Variants in CTNNA1 observed in about 807,000 individuals in gnomAD.
CTNNA1 encodes catenin alpha-1.
Under a neutral mutation model 98.4 loss-of-function variants are expected in CTNNA1, and 37 were observed. That is an observed-to-expected ratio of 0.38 (90% CI 0.29 to 0.49). The LOEUF (loss-of-function observed/expected upper bound fraction) is 0.49, where lower values mean the gene tolerates loss of function less well. Among genes scored for constraint, CTNNA1 ranks in the 20% least tolerant of loss-of-function variants. The pLI, the probability that CTNNA1 is intolerant of heterozygous loss-of-function variation, is 0.95. For missense variants in CTNNA1, 761 were observed against 1,147.2 expected, an observed-to-expected ratio of 0.66 and a Z score of 4.86; for synonymous variants, 404 against 413.2, an observed-to-expected ratio of 0.98 and a Z score of 0.27.
chr5:138,867,162 A>G lies in CTNNA1; in HGVS notation c.1063-19050A>G, dbSNP rs116306149. On this transcript the variant is annotated intron_variant, in intron 7 of 17. Transcript: ENST00000302763. ...GTGCAATTTAAAACCACCATCACCT[A>G]TGCCCTCTAGTGCTTATGGGATGAG... Among the ~76,000 whole-genome samples the G allele has an allele frequency of 0.012, 1,903 of 152,312 alleles. 15 individuals carry two copies. Among genetic ancestry groups the G allele is most frequent in the African/African-American group, 0.029 (1,222 of 41,562 alleles).
At chr5:138,778,809 C>T (rs915619413) in intron 1 of CTNNA1, among the ~76,000 whole-genome samples, 4 of 152,086 alleles carry the variant, frequency 2.6e-5, no homozygotes, top group African/African-American at 9.7e-5. Flanking sequence ...ATACTTTGTT[C>T]TATCTAATCT....
At chr5:138,852,462 G>GT (rs1763287275) in intron 7 of CTNNA1, among the ~76,000 whole-genome samples, 1 of 146,592 alleles carries the variant, frequency 6.8e-6, no homozygotes, top group African/African-American at 2.6e-5. Flanking sequence ...TCTTTGGGGG[G>GT]TGGGGGGGGT....
intron 7 of CTNNA1, among the ~76,000 whole-genome samples, chr5:138,877,561 C>G (rs1751914780): frequency 6.6e-6 from 1 of 151,952 alleles, no homozygotes. Flanking sequence ...CATTCTCCTG[C>G]CTCAGCCTCC....
intron 7 of CTNNA1, among the ~76,000 whole-genome samples, chr5:138,882,162 A>G (rs1041142956): frequency 6.6e-6 from 1 of 152,242 alleles, no homozygotes; most frequent in African/African-American, 2.4e-5. Context: ...GAGAGGAAAC[A>G]TGAGATGGTG....
In CTNNA1 at chr5:138,827,592, C is replaced by T. The variant is rs770509591; in HGVS notation, c.936C>T (p.Ile312=). Residue 312 remains isoleucine, a synonymous_variant, in exon 7 of 18, where the codon ATC becomes ATT. Coordinates refer to ENST00000302763, the MANE Select transcript of CTNNA1 (RefSeq NM_001903.5). ...RPSLEERLES[I]ISGAALMADS... ...CCCTGGAGGAGCGTCTGGAAAGCAT[C>T]ATTAGTGGGGCTGCCTTGATGGCCG... The T allele has an allele frequency of 1.2e-6, 2 of 1,614,172 alleles. No homozygotes were observed. Among genetic ancestry groups the T allele is most frequent in the Non-Finnish European group, 1.7e-6 (2 of 1,180,032 alleles).
At position 138,757,646 on chromosome 5, in the gene CTNNA1, T is replaced by A. The variant is rs553948141; in HGVS notation, c.-3+4136T>A. ...CACTGGGTGGTGCATTACATTATGC[T>A]GTACGTTATTATTGATGTACCTGTT... On this transcript the variant is annotated intron_variant, in intron 1 of 17. Transcript: ENST00000302763. Among the ~76,000 whole-genome samples, 3 of 152,352 alleles carry A rather than the reference T, an allele frequency of 2.0e-5. No individual in the cohort carries two copies. The East Asian group carries it at 5.8e-4, about 29-fold the overall frequency.
At chr5:138,842,648 T>C (rs906239352) in intron 7 of CTNNA1, among the ~76,000 whole-genome samples, 7 of 152,318 alleles carry the variant, frequency 4.6e-5, no homozygotes, top group African/African-American at 1.4e-4. Flanking sequence ...AAATCAGACC[T>C]TGATGATGAC....
In CTNNA1 at chr5:138,929,288, T is replaced by G. The variant is rs139529481; in HGVS notation, c.1942T>G (p.Phe648Val). 13 of 1,611,756 alleles carry G rather than the reference T, an allele frequency of 8.1e-6. No individual in the cohort carries two copies. The highest frequency in any genetic ancestry group is 1.1e-5 in the Non-Finnish European group (13 of 1,177,976). ...TGACTCTGACTTTGAGACAGAAGATTTTGATGTCAGAAGCAGGACGAGCGT... is the reference window on the plus strand; with the variant it reads ...TGACTCTGACTTTGAGACAGAAGATGTTGATGTCAGAAGCAGGACGAGCGT... ...LDDSDFETED[F>V]DVRSRTSVQT... The change falls in exon 14 of 18, where the codon TTT (phenylalanine) becomes GTT (valine). Residue 648 changes from phenylalanine (F) to valine (V), a missense_variant. Around this residue, in one of 6 missense-constraint regions of CTNNA1, gnomAD observed 77 missense variants for 198.8 expected, o/e 0.39. Transcript: ENST00000302763.
rs1754333062 is a variant in CTNNA1 at position 138,887,487 on chromosome 5, T to C, written c.1144-3T>C. 1 of 1,584,444 alleles carries C rather than the reference T, an allele frequency of 6.3e-7. No homozygotes were observed. Among genetic ancestry groups the C allele is most frequent in the Admixed American group, 1.9e-5 (1 of 52,280 alleles). On this transcript the variant is annotated splice_region_variant and splice_polypyrimidine_tract_variant and intron_variant, in intron 8 of 17. Coordinates refer to ENST00000302763, the MANE Select transcript of CTNNA1 (RefSeq NM_001903.5). ...AATCAAATTTTTACAATTTAATCATTAGCTCCGCAAAGCTGTCATGGACCA... is the reference window on the plus strand; with the variant it reads ...AATCAAATTTTTACAATTTAATCATCAGCTCCGCAAAGCTGTCATGGACCA...
intron 7 of CTNNA1, among the ~76,000 whole-genome samples, chr5:138,831,368 G>A (rs952906414): frequency 2.0e-5 from 3 of 152,186 alleles, no homozygotes; most frequent in African/African-American, 7.2e-5. Context: ...CTTCCCAGTT[G>A]ATTCCAGTGT....
At chr5:138,855,098 G>C (rs1377293547) in intron 7 of CTNNA1, among the ~76,000 whole-genome samples, 1 of 152,212 alleles carries the variant, frequency 6.6e-6, no homozygotes, top group Non-Finnish European at 1.5e-5. Context: ...GCGTGCAGTA[G>C]CGCGATCTCG....
At chr5:138,845,567 A>C (rs1762638994) in intron 7 of CTNNA1, among the ~76,000 whole-genome samples, 1 of 152,150 alleles carries the variant, frequency 6.6e-6, no homozygotes, top group African/African-American at 2.4e-5. Flanking sequence ...ATTTTCATTT[A>C]ATTGTTGGTA....
intron 1 of CTNNA1, chr5:138,754,597 G>A (rs953096398): frequency 2.0e-5 from 3 of 152,298 alleles, no homozygotes; most frequent in African/African-American, 7.2e-5. Context: ...TTTGTGTTTA[G>A]TCAGCAGTGA....
intron 1 of CTNNA1, among the ~76,000 whole-genome samples, chr5:138,761,564 T>C (rs1344826380): frequency 6.6e-6 from 1 of 151,334 alleles, no homozygotes; most frequent in African/African-American, 2.4e-5. Context: ...TACGAGAGAG[T>C]GAATTTTATT....
At chr5:138,907,134 GC>G (rs1384099634) in intron 10 of CTNNA1, among the ~76,000 whole-genome samples, 1 of 152,090 alleles carries the variant, frequency 6.6e-6, no homozygotes, top group Non-Finnish European at 1.5e-5. Flanking sequence ...TGATTCTCCT[GC>G]TGCAGCCTCC....
intron 1 of CTNNA1, among the ~76,000 whole-genome samples, chr5:138,780,811 C>T (rs1755004878): frequency 6.6e-6 from 1 of 152,216 alleles, no homozygotes; most frequent in African/African-American, 2.4e-5. Flanking sequence ...CCACCACGCC[C>T]AGCCTTTAAG....
chr5:138,885,730 A>T (rs755704489), intron 7 of CTNNA1, among the ~76,000 whole-genome samples: 1 of 152,124 alleles, frequency 6.6e-6, no homozygotes, highest in Non-Finnish European at 1.5e-5. Context: ...GCTCTGACCT[A>T]TCAGGTACAT....
At chr5:138,857,963 C>T (rs974505241) in intron 7 of CTNNA1, among the ~76,000 whole-genome samples, 1 of 152,102 alleles carries the variant, frequency 6.6e-6, no homozygotes, top group African/African-American at 2.4e-5. Flanking sequence ...ACATATGAAT[C>T]CACTTCTTAG....
At chr5:138,762,272 C>T (rs968081638) in intron 1 of CTNNA1, among the ~76,000 whole-genome samples, 1 of 152,136 alleles carries the variant, frequency 6.6e-6, no homozygotes, top group South Asian at 2.1e-4. Flanking sequence ...CCCTGTCCCC[C>T]ACATGTTGTG....
Sources: allele counts gnomAD v4.1 joint callset (sites outside exome capture counted in the v4.1 genomes callset), GRCh38; gene constraint gnomAD v4.1.1; regional missense constraint gnomAD v4.1.1; transcripts MANE v1.5; gene names NCBI Gene and HGNC (gene_info 2026-07-23, HGNC 2026-07-21).